Variants in CEBPZ observed in about 807,000 individuals in gnomAD.
The protein encoded by CEBPZ is CCAAT/enhancer-binding protein zeta.
Under a neutral mutation model 104.5 loss-of-function variants are expected in CEBPZ, and 78 were observed. That is an observed-to-expected ratio of 0.75 (90% CI 0.62 to 0.90). CEBPZ has a LOEUF of 0.90. Among genes scored for constraint, CEBPZ ranks in the 40% least tolerant of loss-of-function variants. The pLI, the probability that CEBPZ is intolerant of heterozygous loss-of-function variation, is 0.00. For missense variants in CEBPZ, 1,439 were observed against 1,233.5 expected (o/e 1.17, Z -2.50); for synonymous variants, 470 against 427.0 (o/e 1.10, Z -1.24).
Position 37,212,012 on chromosome 2 carries a change from A to T in CEBPZ, c.2631T>A (p.Ala877=). 6 of 1,592,192 alleles carry T rather than the reference A, an allele frequency of 3.8e-6. No individual in the cohort carries two copies. The highest frequency in any genetic ancestry group is 5.1e-6 in the Non-Finnish European group (6 of 1,174,250). ...AATCTTCATCTAATGTGTTATCCTT[A>T]GCTCCTTTTGTTCTCTTTTTCACGT... ...AGNVKKRTKG[A]KDNTLDEDSE... Residue 877 remains alanine (A), a synonymous_variant, in exon 12 of 16, where the codon GCT becomes GCA. Transcript: ENST00000234170.
intron 13 of CEBPZ, among the ~76,000 whole-genome samples, chr2:37,206,005 G>T (rs1169302422): frequency 6.6e-6 from 1 of 152,218 alleles, no homozygotes; most frequent in Non-Finnish European, 1.5e-5. Context: ...TAATTGAATG[G>T]TTTAAAAATG....
At chr2:37,207,372 A>G (rs1432754825) in intron 13 of CEBPZ, among the ~76,000 whole-genome samples, 2 of 152,228 alleles carry the variant, frequency 1.3e-5, no homozygotes, top group Admixed American at 6.5e-5. Flanking sequence ...CAGCACACGG[A>G]GCATTCTCAA....
At position 37,212,395 on chromosome 2, in the gene CEBPZ, G is replaced by C; in HGVS notation, c.2546-3C>G. ...ACAGTTATCATCTTCAAATGTGTCT[G>C]CCAGACAATACAGAAATGTGAGATA... On this transcript the variant is annotated splice_polypyrimidine_tract_variant and splice_region_variant and intron_variant, in intron 10 of 15. Coordinates refer to ENST00000234170, the MANE Select transcript of CEBPZ (RefSeq NM_005760.3). The C allele has an allele frequency of 6.2e-7, 1 of 1,611,594 alleles. No individual in the cohort carries two copies. Among genetic ancestry groups the C allele is most frequent in the Non-Finnish European group, 8.5e-7 (1 of 1,178,256 alleles).
rs1677712015 is a variant in CEBPZ, at chr2:37,211,254, C to CT, written c.2801-173dup. On this transcript the variant is annotated intron_variant, in intron 12 of 15. Transcript: ENST00000234170. ...TTGAGGACAGACTGAGAAAAAGACT[C>CT]TAAGAATTGGCACAGTTCTAATATT... 6.8e-6 allele frequency: 3 copies of CT among 439,772 alleles called. No individual in the cohort carries two copies. In the Admixed American group the frequency reaches 1.2e-4, roughly 18 times the overall value. The allele number at this position is 439,772 out of a possible 1,614,324, so 27.2% of individuals were successfully genotyped here. A position where few individuals can be genotyped will look rare whatever the true frequency, so the allele number is the denominator to read the frequency against.
At chr2:37,230,092 G>A (rs573622141) in intron 1 of CEBPZ, among the ~76,000 whole-genome samples, 1 of 152,192 alleles carries the variant, frequency 6.6e-6, no homozygotes, top group East Asian at 1.9e-4. Context: ...GTGAAAGACT[G>A]GCAATAATTT....
intron 2 of CEBPZ, among the ~76,000 whole-genome samples, chr2:37,225,476 T>C (rs1664863685): frequency 6.8e-6 from 1 of 147,108 alleles, no homozygotes; most frequent in African/African-American, 2.5e-5. Context: ...CTGAAACATG[T>C]GCTGTGTCCA....
intron 2 of CEBPZ, among the ~76,000 whole-genome samples, chr2:37,225,014 CA>C (rs1357487561): frequency 1.3e-5 from 2 of 151,510 alleles, no homozygotes; most frequent in Non-Finnish European, 2.9e-5. Context: ...ATCAAAAGTT[CA>C]AAATAATGAA....
chr2:37,218,159 CG>C (rs1483051054), intron 5 of CEBPZ, among the ~76,000 whole-genome samples: 3 of 151,190 alleles, frequency 2.0e-5, no homozygotes, highest in Admixed American at 6.6e-5. Context: ...CTCAGCTACT[CG>C]GGAGGCTGAG....
At chr2:37,212,136 A>G in intron 11 of CEBPZ, 97 bp from the exon 12 acceptor site, 2 of 1,147,484 alleles carry the variant, frequency 1.7e-6, no homozygotes, top group Non-Finnish European at 2.5e-6. Context: ...AATGACTCAG[A>G]AGGAGAAAGC....
rs752736056 is a variant in CEBPZ, at chr2:37,212,365, C to CTATCATCT, written c.2572_2573insAGATGATA (p.Ser858LysfsTer16). 11 of 1,613,444 alleles carry CTATCATCT rather than the reference C, an allele frequency of 6.8e-6. No homozygotes were observed. The highest frequency in any genetic ancestry group is 2.5e-6 in the Non-Finnish European group (3 of 1,179,766). On this transcript the variant is annotated frameshift_variant, in exon 11 of 16. Transcript: ENST00000234170. LOFTEE classifies it high-confidence loss of function. ...AAAATCCATATCATCCTTTCCAGAG[C>CTATCATCT]TGAAACAGTTATCATCTTCAAATGT...
intron 8 of CEBPZ, among the ~76,000 whole-genome samples, chr2:37,215,694 T>C (rs545955588): frequency 2.6e-5 from 4 of 152,296 alleles, no homozygotes; most frequent in South Asian, 2.1e-4. Context: ...CTAGCAAATA[T>C]AGAAGTAGGT....
At chr2:37,206,812 A>G (rs1164206276) in intron 13 of CEBPZ, among the ~76,000 whole-genome samples, 2 of 152,200 alleles carry the variant, frequency 1.3e-5, no homozygotes, top group Non-Finnish European at 2.9e-5. Flanking sequence ...ATAGTACCTC[A>G]CATCTCAAAT....
intron 2 of CEBPZ, among the ~76,000 whole-genome samples, chr2:37,225,060 A>T (rs948992031): frequency 6.6e-5 from 10 of 151,384 alleles, no homozygotes; most frequent in African/African-American, 2.5e-4. Flanking sequence ...ACAAACAAAC[A>T]AACAAACAAA....
chr2:37,221,147 C>T (rs1305797697), intron 4 of CEBPZ, among the ~76,000 whole-genome samples: 2 of 151,956 alleles, frequency 1.3e-5, no homozygotes, highest in African/African-American at 4.8e-5. Flanking sequence ...AGTGGGATTT[C>T]GTCTCTACAA....
At chr2:37,217,464 C>T (rs1016201818) in intron 5 of CEBPZ, among the ~76,000 whole-genome samples, 4 of 152,096 alleles carry the variant, frequency 2.6e-5, no homozygotes, top group African/African-American at 9.7e-5. Flanking sequence ...AAAAGTGATT[C>T]TCAAAACATA....
At position 37,202,809 on chromosome 2, in the gene CEBPZ, A is replaced by G; in HGVS notation, c.3000T>C (p.Asn1000=). ...MGSKFDNIGM[N]AMANKDNASL... ...TTGCATTATCTTTGTTAGCCATGGC[A>G]TTCATGCCAATGTTATCAAACTTGG... Residue 1000 remains asparagine (N), a synonymous_variant, in exon 15 of 16, where the codon AAT becomes AAC. Transcript: ENST00000234170. 1 of 1,593,338 alleles carries G rather than the reference A, an allele frequency of 6.3e-7. No individual in the cohort carries two copies. Among genetic ancestry groups the G allele is most frequent in the Non-Finnish European group, 8.5e-7 (1 of 1,170,388 alleles).
intron 1 of CEBPZ, among the ~76,000 whole-genome samples, chr2:37,229,466 TC>T (rs1024608746): frequency 2.5e-4 from 38 of 152,246 alleles, no homozygotes; most frequent in Non-Finnish European, 1.6e-4. Flanking sequence ...TTTAGACAAA[TC>T]CACATTAAAA....
chr2:37,216,542 A>C (rs887414461), intron 6 of CEBPZ, 124 bp from the exon 7 acceptor site: 4 of 687,618 alleles, frequency 5.8e-6, no homozygotes, highest in Non-Finnish European at 9.8e-6. Context: ...GCAATAAATG[A>C]CTCTTCAAAT....
Position 37,216,328 on chromosome 2 carries a change from G to C in CEBPZ, c.2299C>G (p.His767Asp). The change falls in exon 7 of 16, where the codon CAT (histidine) becomes GAT (aspartate). Residue 767 changes from histidine (H) to aspartate (D), a missense_variant. By Grantham distance (81) the His-to-Asp change is moderately conservative (BLOSUM62 -1). Coordinates refer to ENST00000234170, the MANE Select transcript of CEBPZ (RefSeq NM_005760.3). ...AATAGAAGCATACCTTTGCCTTTAT[G>C]GGGCTTTGGATTTCGGTATACAAAT... is the stretch of plus-strand genomic sequence containing the variant. ...DRFVYRNPKP[H>D]KGKENTDSVV... 6.2e-7 allele frequency: 1 copy of C among 1,613,504 alleles called. No homozygotes were observed. Among genetic ancestry groups the C allele is most frequent in the Non-Finnish European group, 8.5e-7 (1 of 1,179,730 alleles).
Sources: allele counts gnomAD v4.1 joint callset (sites outside exome capture counted in the v4.1 genomes callset), GRCh38; gene constraint gnomAD v4.1.1; transcripts MANE v1.5; gene names NCBI Gene and HGNC (gene_info 2026-07-23, HGNC 2026-07-21).